The following CCDC149 variants were observed in gnomAD, a reference collection of about 807,000 sequenced individuals.
The protein encoded by CCDC149 is coiled-coil domain-containing protein 149.
A neutral mutation model predicts 59.9 loss-of-function variants in CCDC149; 45 were observed. The observed-to-expected ratio is 0.75, with a 90% confidence interval of 0.59 to 0.96. The LOEUF is 0.96. CCDC149 is among the 40% of genes least tolerant of loss of function. The pLI is 0.00. For synonymous variants in CCDC149, 245 were observed against 260.6 expected, an observed-to-expected ratio of 0.94 and a Z score of 0.58; for missense variants, 584 against 664.7, an observed-to-expected ratio of 0.88 and a Z score of 1.33.
intron 3 of CCDC149, among the ~76,000 whole-genome samples, chr4:24,860,242 A>G (rs1399558537): frequency 1.3e-5 from 2 of 152,232 alleles, no homozygotes; most frequent in African/African-American, 4.8e-5. Context: ...ACACAAAAAC[A>G]GCAACATAGA....
At chr4:24,890,358 T>G (rs1720457157) in intron 1 of CCDC149, among the ~76,000 whole-genome samples, 1 of 152,042 alleles carries the variant, frequency 6.6e-6, no homozygotes, top group African/African-American at 2.4e-5. Flanking sequence ...AAGAGTTTTT[T>G]GGAAAAAAAA....
intron 1 of CCDC149, among the ~76,000 whole-genome samples, chr4:24,941,820 C>A (rs1177300790): frequency 2.0e-5 from 3 of 152,192 alleles, no homozygotes; most frequent in Admixed American, 2.0e-4. Flanking sequence ...TTCCTTGACA[C>A]ATGCACTCTC....
At position 24,874,244 on chromosome 4, in the gene CCDC149, G is replaced by GTTTTTTTTTTTT. The variant is rs5856868; in HGVS notation, c.226-537_226-526dup. Among the ~76,000 whole-genome samples the GTTTTTTTTTTTT allele has an allele frequency of 7.7e-4, 67 of 87,484 alleles. 13 individuals are homozygous for GTTTTTTTTTTTT. The highest frequency in any genetic ancestry group is 3.7e-3 in the African/African-American group (63 of 17,170). 57.4% of individuals were successfully genotyped at this position (87,484 alleles called of 152,430 possible). A position where few individuals can be genotyped will look rare whatever the true frequency, so the allele number is the denominator to read the frequency against. On this transcript the variant is annotated intron_variant, in intron 2 of 12. Coordinates refer to ENST00000635206, the MANE Select transcript of CCDC149 (RefSeq NM_001330643.2). ...GAGAACTTCTAGTCCTATTAGATTTGTTTTTTTTTTTTTTTGTTTTGTTTT... is the reference window on the plus strand; with the variant it reads ...GAGAACTTCTAGTCCTATTAGATTTGTTTTTTTTTTTTTTTTTTTTTTTTTTTGTTTTGTTTT...
At chr4:24,827,636 G>C (rs936687779) in intron 9 of CCDC149, 1 of 152,190 alleles carries the variant, frequency 6.6e-6, no homozygotes, top group Non-Finnish European at 1.5e-5. Flanking sequence ...GTTCTTTCTC[G>C]ATCACCAGGC....
chr4:24,942,593 T>G (rs137945355), intron 1 of CCDC149, among the ~76,000 whole-genome samples: 2,187 of 152,090 alleles, frequency 0.014, 48 homozygotes, highest in African/African-American at 0.05. Flanking sequence ...ATTAGGAAAA[T>G]AGGAAGTCGA....
chr4:24,957,063 T>C (rs1312065329), intron 1 of CCDC149, among the ~76,000 whole-genome samples: 1 of 152,194 alleles, frequency 6.6e-6, no homozygotes, highest in Non-Finnish European at 1.5e-5. Context: ...CCTAGAATTA[T>C]GGAATAAAGC....
chr4:24,814,946 C>A (rs1714918304), intron 12 of CCDC149, among the ~76,000 whole-genome samples: 1 of 152,206 alleles, frequency 6.6e-6, no homozygotes, highest in Admixed American at 6.5e-5. Flanking sequence ...CAGGGATGAA[C>A]TTCAAGAGTC....
intron 4 of CCDC149, among the ~76,000 whole-genome samples, chr4:24,852,522 C>T (rs567889077): frequency 2.6e-5 from 4 of 152,210 alleles, no homozygotes; most frequent in Admixed American, 6.5e-5. Context: ...AGAGTGCACA[C>T]ATTTAGTTGG....
intron 12 of CCDC149, among the ~76,000 whole-genome samples, chr4:24,813,499 T>TATATATATATATATATATAC (rs1560197579): frequency 6.0e-4 from 11 of 18,300 alleles, no homozygotes; most frequent in African/African-American, 1.4e-3. Flanking sequence ...AATATATATA[T>TATATATATATATATATATAC]ATATATATAT....
At chr4:24,962,197 G>A (rs1577508626) in intron 1 of CCDC149, among the ~76,000 whole-genome samples, 1 of 152,134 alleles carries the variant, frequency 6.6e-6, no homozygotes. Flanking sequence ...GCAGCCAAAA[G>A]ACCCATGAAA....
At chr4:24,878,121 A>G (rs1181679839) in intron 1 of CCDC149, among the ~76,000 whole-genome samples, 1 of 151,674 alleles carries the variant, frequency 6.6e-6, no homozygotes. Context: ...TTACTCATAT[A>G]TAGTGCTTGC....
chr4:24,874,508 G>A (rs1719286817), intron 2 of CCDC149, among the ~76,000 whole-genome samples: 1 of 151,952 alleles, frequency 6.6e-6, no homozygotes, highest in African/African-American at 2.4e-5. Context: ...CTTGTACCCA[G>A]GAGGCAGAGG....
intron 12 of CCDC149, among the ~76,000 whole-genome samples, chr4:24,812,706 A>ACAGTT (rs946121917): frequency 1.6e-4 from 25 of 152,360 alleles, no homozygotes; most frequent in African/African-American, 6.0e-4. Context: ...TAATGGACTC[A>ACAGTT]CAGTTCCACA....
At chr4:24,939,862 A>G (rs1193600846) in intron 1 of CCDC149, among the ~76,000 whole-genome samples, 1 of 152,218 alleles carries the variant, frequency 6.6e-6, no homozygotes. Flanking sequence ...ATAAAAAGAA[A>G]CAAACAAAGC....
At chr4:24,905,004 C>T (rs1577472045) in intron 1 of CCDC149, among the ~76,000 whole-genome samples, 1 of 152,066 alleles carries the variant, frequency 6.6e-6, no homozygotes, top group Admixed American at 6.5e-5. Flanking sequence ...CAGGTTCAAG[C>T]GATTCTCCTG....
intron 1 of CCDC149, among the ~76,000 whole-genome samples, chr4:24,943,806 G>C (rs891696856): frequency 6.6e-6 from 1 of 152,224 alleles, no homozygotes; most frequent in Non-Finnish European, 1.5e-5. Flanking sequence ...AAAAACACAT[G>C]AAACAATGCT....
At chr4:24,918,054 A>C (rs1722184337) in intron 1 of CCDC149, among the ~76,000 whole-genome samples, 1 of 152,130 alleles carries the variant, frequency 6.6e-6, no homozygotes, top group Middle Eastern at 3.2e-3. Context: ...TTATGAAAAA[A>C]AAAATCTGAT....
chr4:24,948,905 C>T (rs1278553706), intron 1 of CCDC149, among the ~76,000 whole-genome samples: 1 of 152,176 alleles, frequency 6.6e-6, no homozygotes, highest in South Asian at 2.1e-4. Context: ...CCTGCACAAA[C>T]TCTCTCTTTG....
At chr4:24,881,081 C>A (rs1719814874) in intron 1 of CCDC149, among the ~76,000 whole-genome samples, 1 of 152,194 alleles carries the variant, frequency 6.6e-6, no homozygotes, top group African/African-American at 2.4e-5. Context: ...TCGATGATTT[C>A]CAAAGACTGT....
Sources: allele counts gnomAD v4.1 joint callset (sites outside exome capture counted in the v4.1 genomes callset), GRCh38; gene constraint gnomAD v4.1.1; transcripts MANE v1.5; gene names NCBI Gene and HGNC (gene_info 2026-07-23, HGNC 2026-07-21).